Variants in DLG1 observed in about 807,000 individuals in gnomAD.
DLG1 encodes discs large MAGUK scaffold protein 1.
In DLG1, 42 loss-of-function variants were observed where a neutral mutation model predicts 123.4. The ratio of observed to expected loss-of-function variants is 0.34; its 90% CI spans 0.27 to 0.44. DLG1 has a LOEUF of 0.44. Among genes scored for constraint, DLG1 ranks in the 20% least tolerant of loss-of-function variants. The pLI is 1.00. For missense variants in DLG1, 942 were observed against 1,082.6 expected, an observed-to-expected ratio of 0.87 and a Z score of 1.82; for synonymous variants, 317 against 356.2, an observed-to-expected ratio of 0.89 and a Z score of 1.24.
chr3:197,222,501 T>C (rs1288777747), intron 4 of DLG1, among the ~76,000 whole-genome samples: 1 of 152,152 alleles, frequency 6.6e-6, no homozygotes, highest in African/African-American at 2.4e-5. Context: ...GGGTGGGTAG[T>C]GGGGAAAATG....
intron 3 of DLG1, among the ~76,000 whole-genome samples, chr3:197,284,742 G>GT (rs2151174315): frequency 6.6e-6 from 1 of 152,264 alleles, no homozygotes; most frequent in East Asian, 1.9e-4. Flanking sequence ...ACTAAAATAT[G>GT]TATTAGGAAA....
intron 4 of DLG1, among the ~76,000 whole-genome samples, chr3:197,224,558 G>A (rs1188900056): frequency 6.6e-6 from 1 of 152,154 alleles, no homozygotes; most frequent in Non-Finnish European, 1.5e-5. Flanking sequence ...CTGGCTCATA[G>A]TTTAACAACC....
At chr3:197,174,428 C>G (rs1437440302) in intron 5 of DLG1, among the ~76,000 whole-genome samples, 2 of 152,060 alleles carry the variant, frequency 1.3e-5, no homozygotes, top group Non-Finnish European at 2.9e-5. Context: ...ATTAAAAAGT[C>G]TATATAATAA....
At chr3:197,188,487 A>G (rs953091752) in intron 5 of DLG1, among the ~76,000 whole-genome samples, 2 of 152,228 alleles carry the variant, frequency 1.3e-5, no homozygotes, top group African/African-American at 4.8e-5. Context: ...CACAACTAAT[A>G]TCCTAGCAGT....
At chr3:197,151,818 G>A (rs1006798714) in intron 5 of DLG1, among the ~76,000 whole-genome samples, 1 of 140,726 alleles carries the variant, frequency 7.1e-6, no homozygotes, top group African/African-American at 2.4e-5. Flanking sequence ...CAAGGCTGGT[G>A]GATCACTTGA....
In DLG1 at chr3:197,118,434, T is replaced by C. The variant is rs1189094662; in HGVS notation, c.1286+976A>G. On this transcript the variant is annotated intron_variant, in intron 12 of 24. Transcript: ENST00000667157. ...CCCAAACACAATTACTGACAACCTA[T>C]TAAGTTTCCAACATTGCTAATTCTT... Among the ~76,000 whole-genome samples, 7 of 152,168 alleles carry C rather than the reference T, an allele frequency of 4.6e-5. No homozygotes were observed. The South Asian group carries it at 1.2e-3, about 27-fold the overall frequency.
intron 18 of DLG1, chr3:197,071,121 C>A (rs1453733896): frequency 6.6e-6 from 1 of 151,918 alleles, no homozygotes; most frequent in Non-Finnish European, 1.5e-5. Flanking sequence ...CCCAGAAACA[C>A]GCCACATTAA....
intron 6 of DLG1, among the ~76,000 whole-genome samples, chr3:197,143,738 C>T (rs1034586657): frequency 2.0e-5 from 3 of 152,174 alleles, no homozygotes; most frequent in African/African-American, 7.2e-5. Flanking sequence ...TTTCTGTGAA[C>T]GACTTGCTCT....
chr3:197,219,390 AT>A (rs1166096428), intron 4 of DLG1, among the ~76,000 whole-genome samples: 5 of 152,230 alleles, frequency 3.3e-5, no homozygotes, highest in South Asian at 2.1e-4. Context: ...TGATGATAGG[AT>A]TTGTTCAAAC....
At chr3:197,224,021 A>C (rs190415165) in intron 4 of DLG1, among the ~76,000 whole-genome samples, 42 of 152,360 alleles carry the variant, frequency 2.8e-4, no homozygotes, top group African/African-American at 9.9e-4. Context: ...GTTAAGCCCC[A>C]AAATAACCCA....
rs921172409 is a variant in DLG1, at chr3:197,234,371, A to C, written c.319-39782T>G. Among the ~76,000 whole-genome samples, 4 of 152,354 alleles carry C rather than the reference A, an allele frequency of 2.6e-5. No individual in the cohort carries two copies. In the East Asian group the frequency reaches 5.8e-4, roughly 22 times the overall value. On this transcript the variant is annotated intron_variant, in intron 4 of 24. Transcript: ENST00000667157. ...TTTCTCAGGGAGGAGGAAATGGATA[A>C]AACAAGGACAAAACATTTCCAAAAA... is the stretch of plus-strand genomic sequence containing the variant.
chr3:197,069,315 A>G, intron 18 of DLG1, 55 bp from the exon 19 acceptor site: 4 of 1,216,156 alleles, frequency 3.3e-6, no homozygotes, highest in Non-Finnish European at 4.6e-6. Context: ...TTTAAAAAGC[A>G]AATAATCAAA....
intron 4 of DLG1, among the ~76,000 whole-genome samples, chr3:197,216,988 T>C (rs1001679414): frequency 3.9e-5 from 6 of 152,228 alleles, no homozygotes; most frequent in East Asian, 1.9e-4. Flanking sequence ...CGGAGACAAG[T>C]CTTCACATGA....
intron 3 of DLG1, among the ~76,000 whole-genome samples, chr3:197,288,743 A>AAAACATAC (rs1553827364): frequency 4.2e-5 from 3 of 72,082 alleles, no homozygotes; most frequent in Non-Finnish European, 7.2e-5. Context: ...AAAAAAAAAA[A>AAAACATAC]ATACATACAT....
At chr3:197,111,012 A>G (rs1162976750) in intron 13 of DLG1, among the ~76,000 whole-genome samples, 2 of 152,148 alleles carry the variant, frequency 1.3e-5, no homozygotes, top group African/African-American at 4.8e-5. Flanking sequence ...AGGTTTTCAA[A>G]GGCCTTATGG....
chr3:197,239,882 T>C (rs963529457), intron 4 of DLG1, among the ~76,000 whole-genome samples: 21 of 145,896 alleles, frequency 1.4e-4, no homozygotes, highest in African/African-American at 4.1e-4. Flanking sequence ...GGTGAAAGAA[T>C]TGGACTTCCA....
intron 11 of DLG1, among the ~76,000 whole-genome samples, chr3:197,125,935 C>T (rs1046290346): frequency 1.3e-5 from 2 of 152,130 alleles, no homozygotes; most frequent in Non-Finnish European, 2.9e-5. Context: ...GGTGACTGTG[C>T]AGGCTTCAGA....
intron 4 of DLG1, among the ~76,000 whole-genome samples, chr3:197,212,674 G>A (rs1021341295): frequency 1.3e-5 from 2 of 152,126 alleles, no homozygotes; most frequent in African/African-American, 2.4e-5. Flanking sequence ...AGTTATACTG[G>A]AATAGCCCAT....
chr3:197,098,213 T>C (rs1429972169), intron 14 of DLG1, among the ~76,000 whole-genome samples: 1 of 152,222 alleles, frequency 6.6e-6, no homozygotes. Flanking sequence ...TGCAATGCTT[T>C]TTAAATAAGA....
Sources: gnomAD v4.1 joint callset for allele counts (sites outside exome capture counted in the v4.1 genomes callset) on GRCh38, gnomAD v4.1.1 for gene constraint, MANE v1.5 for transcripts, NCBI Gene and HGNC (gene_info 2026-07-23, HGNC 2026-07-21) for gene names.